Variants in QTMAN observed in about 807,000 individuals in gnomAD.
QTMAN encodes queuosine-tRNA mannosyltransferase, also known as tRNA-queuosine alpha-mannosyltransferase.
the QTMAN span, among the ~76,000 whole-genome samples, chr2:144,063,198 G>A: frequency 6.6e-6 from 1 of 152,050 alleles, no homozygotes; most frequent in Non-Finnish European, 1.5e-5. Context: ...CTGATGACAG[G>A]GCTGGATTAA....
the QTMAN span, among the ~76,000 whole-genome samples, chr2:144,078,650 G>A: frequency 1.3e-5 from 2 of 152,074 alleles, no homozygotes; most frequent in Non-Finnish European, 2.9e-5. Context: ...CACACCTAGG[G>A]AAATATAATT....
the QTMAN span, among the ~76,000 whole-genome samples, chr2:144,299,644 G>C: frequency 6.6e-6 from 1 of 152,272 alleles, no homozygotes; most frequent in African/African-American, 2.4e-5. Flanking sequence ...GTGTTGGTAA[G>C]AATATGGAGA....
At chr2:143,987,009 A>C in the QTMAN span, among the ~76,000 whole-genome samples, 3 of 152,214 alleles carry the variant, frequency 2.0e-5, no homozygotes, top group South Asian at 6.2e-4. Context: ...TAAATAATAA[A>C]TAAAAGTGCA....
At chr2:144,264,765 T>C in the QTMAN span, among the ~76,000 whole-genome samples, 6 of 152,330 alleles carry the variant, frequency 3.9e-5, no homozygotes, top group East Asian at 9.7e-4. Context: ...GATATTCCTA[T>C]AGTGGGTAAG....
chr2:144,069,935 A>G, the QTMAN span, among the ~76,000 whole-genome samples: 1 of 152,078 alleles, frequency 6.6e-6, no homozygotes, highest in South Asian at 2.1e-4. Context: ...TGGATTTGAA[A>G]TTGCTGTCAT....
chr2:144,003,458 T>G, the QTMAN span, among the ~76,000 whole-genome samples: 1 of 151,350 alleles, frequency 6.6e-6, no homozygotes, highest in South Asian at 2.1e-4. Context: ...TTGCAGCCTG[T>G]TTTTTACAGG....
At chr2:144,321,365 C>A in the QTMAN span, among the ~76,000 whole-genome samples, 1 of 152,144 alleles carries the variant, frequency 6.6e-6, no homozygotes, top group African/African-American at 2.4e-5. Flanking sequence ...ATGTGTTTGG[C>A]TAGATTTCTA....
the QTMAN span, among the ~76,000 whole-genome samples, chr2:144,133,225 A>ATG: frequency 4.2e-5 from 3 of 71,496 alleles, no homozygotes; most frequent in African/African-American, 1.9e-4. Context: ...ATATATAAAT[A>ATG]TATATTTATA....
At chr2:144,205,358 T>C in the QTMAN span, among the ~76,000 whole-genome samples, 1 of 152,144 alleles carries the variant, frequency 6.6e-6, no homozygotes, top group East Asian at 1.9e-4. Flanking sequence ...TCTTCTTTTA[T>C]AAGTAAAATT....
At chr2:144,200,179 T>C in the QTMAN span, among the ~76,000 whole-genome samples, 5 of 152,212 alleles carry the variant, frequency 3.3e-5, no homozygotes. Context: ...TGGTGACCAG[T>C]AGTATTTGTG....
At chr2:144,151,781 T>TAG in the QTMAN span, among the ~76,000 whole-genome samples, 8 of 152,222 alleles carry the variant, frequency 5.3e-5, no homozygotes, top group African/African-American at 1.9e-4. Flanking sequence ...AAAACTTGTG[T>TAG]AGAGAGATAA....
the QTMAN span, among the ~76,000 whole-genome samples, chr2:144,089,116 G>A: frequency 1.3e-5 from 2 of 151,756 alleles, no homozygotes; most frequent in Non-Finnish European, 2.9e-5. Context: ...AACTCAACAG[G>A]AAAAAAGTAA....
chr2:143,961,479 T>C, the QTMAN span, among the ~76,000 whole-genome samples: 1 of 152,170 alleles, frequency 6.6e-6, no homozygotes, highest in African/African-American at 2.4e-5. Flanking sequence ...AATTTCCTAT[T>C]TGTCTAGTAA....
chr2:144,298,998 T>C, the QTMAN span, among the ~76,000 whole-genome samples: 55 of 152,102 alleles, frequency 3.6e-4, no homozygotes, highest in African/African-American at 1.3e-3. Context: ...GGCAGGAGAC[T>C]TTTTTTTCAG....
the QTMAN span, chr2:143,957,388 T>C: frequency 8.4e-7 from 1 of 1,188,352 alleles, no homozygotes; most frequent in Non-Finnish European, 1.1e-6. Context: ...TAGTGTAAAA[T>C]GATATGAGAT....
chr2:144,291,486 C>T, the QTMAN span, among the ~76,000 whole-genome samples: 2 of 152,208 alleles, frequency 1.3e-5, no homozygotes, highest in Non-Finnish European at 2.9e-5. Flanking sequence ...TAGGCTTTGC[C>T]TCTAGTTTTC....
the QTMAN span, among the ~76,000 whole-genome samples, chr2:144,117,619 T>G: frequency 6.6e-6 from 1 of 152,208 alleles, no homozygotes; most frequent in Non-Finnish European, 1.5e-5. Context: ...TGCTAGTGTC[T>G]TGTTTGCCTT....
the QTMAN span, among the ~76,000 whole-genome samples, chr2:143,994,489 A>G: frequency 6.6e-6 from 1 of 152,194 alleles, no homozygotes; most frequent in Admixed American, 6.5e-5. Flanking sequence ...AAACAATCCA[A>G]ATGTCCATCA....
At chr2:144,067,331 T>A in the QTMAN span, among the ~76,000 whole-genome samples, 1 of 152,244 alleles carries the variant, frequency 6.6e-6, no homozygotes, top group Non-Finnish European at 1.5e-5. Context: ...TATATAATGA[T>A]TTGTTTCTAA....
Sources: gnomAD v4.1 joint callset for allele counts (sites outside exome capture counted in the v4.1 genomes callset) on GRCh38, gnomAD v4.1.1 for gene constraint, MANE v1.5 for transcripts, NCBI Gene and HGNC (gene_info 2026-07-23, HGNC 2026-07-21) for gene names.